Variants in GRIN3A observed in about 807,000 individuals in gnomAD.
GRIN3A encodes glutamate ionotropic receptor NMDA type subunit 3A.
A neutral mutation model predicts 92.4 loss-of-function variants in GRIN3A; 47 were observed. That is an observed-to-expected ratio of 0.51 (90% CI 0.40 to 0.65). GRIN3A has a LOEUF of 0.65. GRIN3A is among the 30% of genes least tolerant of loss of function. GRIN3A has a pLI of 0.00. For missense variants in GRIN3A, 1,324 were observed against 1,393.1 expected (o/e 0.95, Z 0.79); for synonymous variants, 527 against 540.6 (o/e 0.97, Z 0.35).
chr9:101,617,421 A>C (rs1380733756), intron 5 of GRIN3A, among the ~76,000 whole-genome samples: 3 of 152,040 alleles, frequency 2.0e-5, no homozygotes, highest in African/African-American at 4.8e-5. Flanking sequence ...CAAAAGTGTT[A>C]AGATTCCCTA....
Position 101,594,522 on chromosome 9 carries a change from C to A in GRIN3A, c.2767-15162G>T, listed in dbSNP as rs760377198. Reference sequence around the variant, plus strand: ...TTGTCCAGGATGATGATGGTTTTGTCGACCAGCTGCTGGAGCTGCCAGTCC... The same window carrying A: ...TTGTCCAGGATGATGATGGTTTTGTAGACCAGCTGCTGGAGCTGCCAGTCC... On this transcript the variant is annotated intron_variant, in intron 6 of 8. Transcript: ENST00000361820. The A allele has an allele frequency of 1.7e-5, 28 of 1,614,026 alleles. No individual in the cohort carries two copies. In the Admixed American group the frequency reaches 4.3e-4, roughly 25 times the overall value.
chr9:101,700,870 A>G (rs2119000066), intron 1 of GRIN3A, among the ~76,000 whole-genome samples: 1 of 152,330 alleles, frequency 6.6e-6, no homozygotes, highest in South Asian at 2.1e-4. Context: ...AGGAAAAGAC[A>G]AAGAAAGATG....
chr9:101,599,508 G>A (rs1254056801), intron 6 of GRIN3A, among the ~76,000 whole-genome samples: 1 of 152,086 alleles, frequency 6.6e-6, no homozygotes, highest in East Asian at 1.9e-4. Flanking sequence ...AATTTCCATG[G>A]AAAACACTGT....
intron 1 of GRIN3A, among the ~76,000 whole-genome samples, chr9:101,711,207 G>T (rs1284909593): frequency 6.6e-6 from 1 of 152,144 alleles, no homozygotes. Context: ...AGGACCATCT[G>T]CTTTGGGAGA....
At chr9:101,692,635 T>C (rs1829634222) in intron 1 of GRIN3A, among the ~76,000 whole-genome samples, 1 of 152,146 alleles carries the variant, frequency 6.6e-6, no homozygotes, top group Non-Finnish European at 1.5e-5. Context: ...TTACCAGAGA[T>C]GAAATTTCCT....
intron 6 of GRIN3A, among the ~76,000 whole-genome samples, chr9:101,582,469 T>C (rs1439231417): frequency 6.6e-6 from 1 of 152,136 alleles, no homozygotes; most frequent in Non-Finnish European, 1.5e-5. Flanking sequence ...AATGCTGGTC[T>C]GGGAAAGGGT....
intron 2 of GRIN3A, among the ~76,000 whole-genome samples, chr9:101,681,287 T>A (rs905117339): frequency 2.0e-5 from 3 of 152,246 alleles, no homozygotes; most frequent in Admixed American, 2.0e-4. Flanking sequence ...AAAAAATTAC[T>A]TGCAAAGCTT....
rs747983123 is a variant in GRIN3A at position 101,686,578 on chromosome 9, C to A, written c.1304+18G>T. Reference sequence around the variant, plus strand: ...ATGGCCCTATGAATGGGGATATAACCGAGACCTTGCATCCTACCTTGATAA... The same window carrying A: ...ATGGCCCTATGAATGGGGATATAACAGAGACCTTGCATCCTACCTTGATAA... On this transcript the variant is annotated intron_variant, in intron 2 of 8. Transcript: ENST00000361820. 1.2e-6 allele frequency: 2 copies of A among 1,613,778 alleles called. No homozygotes were observed. The highest frequency in any genetic ancestry group is 8.5e-7 in the Non-Finnish European group (1 of 1,179,896).
chr9:101,685,049 A>T (rs182471518), intron 2 of GRIN3A, among the ~76,000 whole-genome samples: 18 of 152,300 alleles, frequency 1.2e-4, no homozygotes, highest in Admixed American at 4.6e-4. Context: ...TGGAAATTAT[A>T]ATATGGGAAA....
chr9:101,590,272 T>C (rs1011852149), intron 6 of GRIN3A, among the ~76,000 whole-genome samples: 1 of 152,194 alleles, frequency 6.6e-6, no homozygotes, highest in Non-Finnish European at 1.5e-5. Flanking sequence ...GTAGGTACGG[T>C]AGTTGACACG....
intron 6 of GRIN3A, among the ~76,000 whole-genome samples, chr9:101,589,987 G>T (rs1461068033): frequency 2.0e-5 from 3 of 152,086 alleles, no homozygotes; most frequent in African/African-American, 7.2e-5. Context: ...GCATTTCTTT[G>T]TAGTAATTTA....
At chr9:101,619,269 G>A (rs920557369) in intron 5 of GRIN3A, among the ~76,000 whole-genome samples, 3 of 152,056 alleles carry the variant, frequency 2.0e-5, no homozygotes, top group Non-Finnish European at 2.9e-5. Flanking sequence ...AGCTACTCTG[G>A]GATAATGGTT....
At chr9:101,609,127 C>G (rs1177151127) in intron 6 of GRIN3A, among the ~76,000 whole-genome samples, 1 of 152,168 alleles carries the variant, frequency 6.6e-6, no homozygotes, top group Non-Finnish European at 1.5e-5. Flanking sequence ...GTGCAATTGC[C>G]AATGCTGGGG....
intron 2 of GRIN3A, among the ~76,000 whole-genome samples, chr9:101,672,816 A>G (rs1335388271): frequency 3.9e-5 from 6 of 152,132 alleles, no homozygotes; most frequent in Non-Finnish European, 7.4e-5. Context: ...TACCACTTAA[A>G]TTCTATTTTG....
chr9:101,735,476 T>A (rs2119050040), intron 1 of GRIN3A, among the ~76,000 whole-genome samples: 1 of 151,912 alleles, frequency 6.6e-6, no homozygotes. Context: ...CCCCTTGTTG[T>A]AATGTGCTGT....
chr9:101,614,577 A>G (rs1011159126), intron 5 of GRIN3A, among the ~76,000 whole-genome samples: 3 of 148,280 alleles, frequency 2.0e-5, no homozygotes, highest in African/African-American at 7.4e-5. Context: ...ATATAGTTTT[A>G]GGAATACATA....
At chr9:101,622,455 A>G (rs1256128774) in intron 5 of GRIN3A, among the ~76,000 whole-genome samples, 4 of 152,180 alleles carry the variant, frequency 2.6e-5, no homozygotes, top group African/African-American at 9.7e-5. Flanking sequence ...TCAGCTCCAT[A>G]TATCAACCGT....
At chr9:101,578,310 G>A (rs1328063297) in intron 7 of GRIN3A, among the ~76,000 whole-genome samples, 1 of 152,024 alleles carries the variant, frequency 6.6e-6, no homozygotes, top group East Asian at 1.9e-4. Flanking sequence ...ATAAAAGTAG[G>A]AAGAACAGGG....
At chr9:101,667,922 C>T (rs753646759) in intron 3 of GRIN3A, among the ~76,000 whole-genome samples, 7 of 151,984 alleles carry the variant, frequency 4.6e-5, no homozygotes, top group South Asian at 2.1e-4. Flanking sequence ...GTAGAAACAA[C>T]GCTAGTACAC....
Sources: allele counts gnomAD v4.1 joint callset (sites outside exome capture counted in the v4.1 genomes callset), GRCh38; gene constraint gnomAD v4.1.1; transcripts MANE v1.5; gene names NCBI Gene and HGNC (gene_info 2026-07-23, HGNC 2026-07-21).